FAF1: variants seen among roughly 807,000 people sequenced by gnomAD.
The protein encoded by FAF1 is FAS-associated factor 1.
Under a neutral mutation model 92.5 loss-of-function variants are expected in FAF1, and 25 were observed. That is an observed-to-expected ratio of 0.27 (90% CI 0.20 to 0.38). The LOEUF (loss-of-function observed/expected upper bound fraction) is 0.38, where lower values mean the gene tolerates loss of function less well. Among genes scored for constraint, FAF1 ranks in the 10% least tolerant of loss-of-function variants. The pLI is 1.00. For missense variants in FAF1, 636 were observed against 793.3 expected (o/e 0.80, Z 2.38); for synonymous variants, 234 against 273.2 (o/e 0.86, Z 1.42).
intron 4 of FAF1, among the ~76,000 whole-genome samples, chr1:50,752,209 G>A (rs1342702411): frequency 6.6e-6 from 1 of 152,090 alleles, no homozygotes; most frequent in African/African-American, 2.4e-5. Flanking sequence ...GACCTCAGGG[G>A]AGCTGCCCAC....
intron 6 of FAF1, among the ~76,000 whole-genome samples, chr1:50,715,674 G>A (rs1026199053): frequency 6.6e-6 from 1 of 152,068 alleles, no homozygotes; most frequent in African/African-American, 2.4e-5. Flanking sequence ...AGCTATGCCT[G>A]GGGAGATCCC....
intron 15 of FAF1, among the ~76,000 whole-genome samples, chr1:50,525,006 C>T (rs542437659): frequency 6.6e-6 from 1 of 152,140 alleles, no homozygotes; most frequent in South Asian, 2.1e-4. Context: ...CTACCTCAGC[C>T]TCCCAAGTAG....
chr1:50,910,194 A>G (rs936071264), intron 1 of FAF1, among the ~76,000 whole-genome samples: 2 of 152,216 alleles, frequency 1.3e-5, no homozygotes, highest in African/African-American at 4.8e-5. Context: ...GCAGCAGAAA[A>G]GCAAATATTG....
chr1:50,559,450 T>C (rs2149051633), intron 13 of FAF1, among the ~76,000 whole-genome samples: 1 of 152,318 alleles, frequency 6.6e-6, no homozygotes, highest in African/African-American at 2.4e-5. Flanking sequence ...GCAGTAATTA[T>C]GACTTGCTGA....
At chr1:50,915,178 T>A (rs933497850) in intron 1 of FAF1, among the ~76,000 whole-genome samples, 1 of 152,044 alleles carries the variant, frequency 6.6e-6, no homozygotes, top group Non-Finnish European at 1.5e-5. Flanking sequence ...TGAGACCAGC[T>A]TGATCAACAT....
chr1:50,471,502 T>C (rs1050374538), intron 18 of FAF1, among the ~76,000 whole-genome samples: 2 of 152,342 alleles, frequency 1.3e-5, no homozygotes, highest in Non-Finnish European at 1.5e-5. Flanking sequence ...TTATGAGTTA[T>C]AGTTACAGAG....
intron 4 of FAF1, among the ~76,000 whole-genome samples, chr1:50,771,732 C>T (rs1660781089): frequency 6.6e-6 from 1 of 152,140 alleles, no homozygotes; most frequent in African/African-American, 2.4e-5. Flanking sequence ...GAAACCCCTT[C>T]TCTAGTAAAA....
chr1:50,601,991 T>C (rs1377643315), intron 8 of FAF1, among the ~76,000 whole-genome samples: 1 of 152,090 alleles, frequency 6.6e-6, no homozygotes, highest in Non-Finnish European at 1.5e-5. Context: ...TCTTAACATC[T>C]CCTTTTGTAA....
intron 4 of FAF1, among the ~76,000 whole-genome samples, chr1:50,765,177 G>A (rs752861980): frequency 2.6e-5 from 4 of 152,132 alleles, no homozygotes; most frequent in Admixed American, 2.0e-4. Flanking sequence ...ATTCCAAGTG[G>A]ATATTTGCCT....
chr1:50,710,872 G>GTA, intron 6 of FAF1, among the ~76,000 whole-genome samples: 1 of 148,918 alleles, frequency 6.7e-6, no homozygotes, highest in East Asian at 2.0e-4. Flanking sequence ...AAAGTGCTGG[G>GTA]ATTATAGGCA....
At chr1:50,787,289 G>GTA (rs1329615435) in intron 4 of FAF1, among the ~76,000 whole-genome samples, 1 of 152,212 alleles carries the variant, frequency 6.6e-6, no homozygotes, top group Non-Finnish European at 1.5e-5. Flanking sequence ...TGGTTTGAAT[G>GTA]TATCCCCACC....
At chr1:50,444,294 C>T (rs1052123167) in intron 18 of FAF1, among the ~76,000 whole-genome samples, 1 of 152,142 alleles carries the variant, frequency 6.6e-6, no homozygotes, top group Non-Finnish European at 1.5e-5. Context: ...TAGGAAAGAG[C>T]CTAAAAGCTA....
At chr1:50,867,069 A>G (rs1030927722) in intron 1 of FAF1, among the ~76,000 whole-genome samples, 10 of 152,168 alleles carry the variant, frequency 6.6e-5, no homozygotes, top group Admixed American at 6.6e-5. Context: ...CAAAGCAAAC[A>G]AAAACATAAA....
intron 1 of FAF1, 194 bp downstream of exon 1, chr1:50,959,573 T>G (rs1290636773): frequency 2.5e-6 from 1 of 402,288 alleles, no homozygotes; most frequent in East Asian, 4.0e-5. Context: ...CTTAACACAT[T>G]CTACACACTC....
intron 2 of FAF1, among the ~76,000 whole-genome samples, chr1:50,821,015 G>A (rs1209344265): frequency 1.3e-5 from 2 of 151,954 alleles, no homozygotes; most frequent in Non-Finnish European, 2.9e-5. Context: ...AAGTAATTGC[G>A]GTTTTTGCCA....
At chr1:50,451,173 C>T (rs956334724) in intron 18 of FAF1, among the ~76,000 whole-genome samples, 4 of 151,854 alleles carry the variant, frequency 2.6e-5, no homozygotes, top group Non-Finnish European at 4.4e-5. Flanking sequence ...CCTTTGATGA[C>T]GTTTTTAAGG....
intron 2 of FAF1, among the ~76,000 whole-genome samples, chr1:50,834,133 C>T (rs1644179534): frequency 6.6e-6 from 1 of 152,184 alleles, no homozygotes. Flanking sequence ...GGGTGTAGCA[C>T]CCCCGCTTCG....
chr1:50,953,243 A>C (rs1046993187), intron 1 of FAF1, among the ~76,000 whole-genome samples: 2 of 152,100 alleles, frequency 1.3e-5, no homozygotes, highest in African/African-American at 4.8e-5. Flanking sequence ...GTACCCAGGG[A>C]CACAAACACT....
At chr1:50,498,172 C>T (rs1473065826) in intron 15 of FAF1, among the ~76,000 whole-genome samples, 1 of 151,910 alleles carries the variant, frequency 6.6e-6, no homozygotes, top group Non-Finnish European at 1.5e-5. Context: ...GAACAGTCTC[C>T]TCAACAAATG....
Sources: allele counts gnomAD v4.1 joint callset (sites outside exome capture counted in the v4.1 genomes callset), GRCh38; gene constraint gnomAD v4.1.1; transcripts MANE v1.5; gene names NCBI Gene and HGNC (gene_info 2026-07-23, HGNC 2026-07-21).